Variants in MYH15 observed in about 807,000 individuals in gnomAD.
The protein encoded by MYH15 is myosin heavy chain 15, also known as myosin-15.
In MYH15, 227 loss-of-function variants were observed where a neutral mutation model predicts 240.5. That is an observed-to-expected ratio of 0.94 (90% CI 0.85 to 1.05). The LOEUF is 1.05. Among genes scored for constraint, MYH15 ranks in the 50% least tolerant of loss-of-function variants. MYH15 has a pLI of 0.00. For missense variants in MYH15, 2,217 were observed against 2,247.5 expected, an observed-to-expected ratio of 0.99 and a Z score of 0.27; for synonymous variants, 785 against 796.7, an observed-to-expected ratio of 0.99 and a Z score of 0.25.
chr3:108,412,040 A>G (rs569709013), intron 30 of MYH15, among the ~76,000 whole-genome samples: 1 of 152,242 alleles, frequency 6.6e-6, no homozygotes, highest in Admixed American at 6.5e-5. Flanking sequence ...AAATAATTAC[A>G]TATATTTTAA....
At chr3:108,453,516 C>A (rs2082992206) in intron 21 of MYH15, among the ~76,000 whole-genome samples, 1 of 152,130 alleles carries the variant, frequency 6.6e-6, no homozygotes, top group Admixed American at 6.5e-5. Context: ...AATGTACAAG[C>A]ATGGTGATAA....
chr3:108,490,568 C>T (rs1251228654), intron 9 of MYH15, among the ~76,000 whole-genome samples: 3 of 152,208 alleles, frequency 2.0e-5, no homozygotes, highest in Non-Finnish European at 2.9e-5. Context: ...TTTTACCCTA[C>T]GTTACCCTCT....
intron 25 of MYH15, among the ~76,000 whole-genome samples, chr3:108,435,708 ATATG>A (rs1053785351): frequency 6.7e-6 from 1 of 148,864 alleles, no homozygotes; most frequent in Non-Finnish European, 1.5e-5. Flanking sequence ...ATATATATAT[ATATG>A]TATGTATACA....
Position 108,444,661 on chromosome 3 carries a change from G to T in MYH15, c.2634C>A (p.Asp878Glu), listed in dbSNP as rs2082912073. Residue 878 changes from aspartate to glutamate, a missense_variant, in exon 22 of 41, where the codon GAC becomes GAA. Physicochemically the swap from Asp to Glu is conservative, Grantham distance 45 (BLOSUM62 2). Coordinates refer to ENST00000693548, the MANE Select transcript of MYH15 (RefSeq NM_014981.3). ...TCACAGCCTGAAGCTGAAGAATCAG[G>T]TCATTTTTTTCCTGAGTGAGGGATA... ...KQVSLTQEKNDLILQLQAEQE... is the reference protein window; with the variant it reads ...KQVSLTQEKNELILQLQAEQE... 6.2e-7 allele frequency: 1 copy of T among 1,613,964 alleles called. No homozygotes were observed. The highest frequency in any genetic ancestry group is 2.2e-5 in the East Asian group (1 of 44,864).
chr3:108,520,506 GTC>G (rs2107266406), intron 1 of MYH15, among the ~76,000 whole-genome samples: 1 of 152,234 alleles, frequency 6.6e-6, no homozygotes, highest in South Asian at 2.1e-4. Flanking sequence ...TTCTAAATTT[GTC>G]TACTGGTTTT....
intron 6 of MYH15, among the ~76,000 whole-genome samples, chr3:108,496,565 C>T (rs1347610980): frequency 2.0e-5 from 3 of 152,088 alleles, no homozygotes; most frequent in Non-Finnish European, 4.4e-5. Context: ...TATATCCCTA[C>T]TACTATATAA....
At chr3:108,545,903 A>G in the MYH15 span, among the ~76,000 whole-genome samples, 2 of 152,158 alleles carry the variant, frequency 1.3e-5, no homozygotes, top group African/African-American at 4.8e-5. Context: ...ATCTCCTATT[A>G]CTGTATAAAT....
chr3:108,488,615 CCTT>C (rs763126728), intron 9 of MYH15, among the ~76,000 whole-genome samples: 2 of 152,154 alleles, frequency 1.3e-5, no homozygotes, highest in Non-Finnish European at 1.5e-5. Context: ...GCCAAGATTT[CCTT>C]CTTTTTTTAA....
chr3:108,521,198 A>G (rs1015160066), intron 1 of MYH15, among the ~76,000 whole-genome samples: 3 of 152,034 alleles, frequency 2.0e-5, no homozygotes, highest in African/African-American at 7.2e-5. Context: ...CTCTTTCAAC[A>G]TTGAGAAAAT....
At chr3:108,453,939 G>A in intron 21 of MYH15, 67 bp downstream of exon 21, 2 of 1,498,106 alleles carry the variant, frequency 1.3e-6, no homozygotes, top group Non-Finnish European at 1.8e-6. Context: ...AAGGCAATGA[G>A]ATTAGTTGCA....
chr3:108,464,029 C>A (rs2083093282), intron 15 of MYH15, among the ~76,000 whole-genome samples: 1 of 151,836 alleles, frequency 6.6e-6, no homozygotes, highest in Admixed American at 6.6e-5. Context: ...GCCAGGATAT[C>A]AAAGAAGAGA....
chr3:108,544,273 C>A, the MYH15 span, among the ~76,000 whole-genome samples: 2 of 152,222 alleles, frequency 1.3e-5, no homozygotes, highest in Non-Finnish European at 2.9e-5. Flanking sequence ...AATAGAGAAT[C>A]ACACTTACAG....
the MYH15 span, among the ~76,000 whole-genome samples, chr3:108,539,756 T>C: frequency 6.6e-6 from 1 of 152,232 alleles, no homozygotes; most frequent in African/African-American, 2.4e-5. Context: ...AGAGATAATA[T>C]TATCTGAACA....
chr3:108,550,071 A>T, the MYH15 span: 1 of 152,026 alleles, frequency 6.6e-6, no homozygotes, highest in Non-Finnish European at 1.5e-5. Context: ...AATCAAACAG[A>T]CATATGGTGA....
chr3:108,523,037 G>A (rs867208538), intron 1 of MYH15, among the ~76,000 whole-genome samples: 1 of 152,078 alleles, frequency 6.6e-6, no homozygotes, highest in Non-Finnish European at 1.5e-5. Context: ...AGGACTTGAT[G>A]TGTGGATATA....
chr3:108,486,309 C>A (rs2107596287), intron 10 of MYH15, 114 bp downstream of exon 10: 1 of 707,266 alleles, frequency 1.4e-6, no homozygotes, highest in South Asian at 2.3e-5. Flanking sequence ...CAGCCCTACA[C>A]CCCTACGGAA....
upstream of MYH15, among the ~76,000 whole-genome samples, chr3:108,533,229 A>G (rs980759461): frequency 6.7e-6 from 1 of 149,610 alleles, no homozygotes; most frequent in African/African-American, 2.5e-5. Flanking sequence ...AACAGAATGC[A>G]GTAGAAAGAA....
upstream of MYH15, among the ~76,000 whole-genome samples, chr3:108,515,172 G>A (rs916448594): frequency 2.0e-5 from 3 of 152,056 alleles, no homozygotes; most frequent in African/African-American, 7.2e-5. Context: ...TATCTGATCT[G>A]GGACAATCAG....
At chr3:108,489,038 T>C (rs776555126) in intron 9 of MYH15, among the ~76,000 whole-genome samples, 7 of 152,248 alleles carry the variant, frequency 4.6e-5, no homozygotes, top group Non-Finnish European at 8.8e-5. Flanking sequence ...GCTTTTCTCA[T>C]AGACCTGTTG....
Sources: allele counts gnomAD v4.1 joint callset (sites outside exome capture counted in the v4.1 genomes callset), GRCh38; gene constraint gnomAD v4.1.1; transcripts MANE v1.5; gene names NCBI Gene and HGNC (gene_info 2026-07-23, HGNC 2026-07-21).